Variants in TJP2 observed in about 807,000 individuals in gnomAD.
TJP2 encodes Friedreich ataxia region gene X104 (tight junction protein ZO-2).
TJP2 carries 91 observed loss-of-function variants against 133.1 expected under a neutral mutation model. The observed-to-expected ratio is 0.68, with a 90% CI of 0.58 to 0.81. The LOEUF (loss-of-function observed/expected upper bound fraction) is 0.81. Among genes scored for constraint, TJP2 ranks in the 40% least tolerant of loss-of-function variants. The pLI is 0.00. For missense variants in TJP2, 1,541 were observed against 1,565.6 expected (o/e 0.98, Z 0.26); for synonymous variants, 592 against 583.4 (o/e 1.01, Z -0.21).
In TJP2 at chr9:69,220,921, C is replaced by A. The variant is rs1204229288; in HGVS notation, c.377C>A (p.Ala126Glu). 1 of 1,612,414 alleles carries A rather than the reference C, an allele frequency of 6.2e-7. No homozygotes were observed. The highest frequency in any genetic ancestry group is 8.5e-7 in the Non-Finnish European group (1 of 1,179,980). Residue 126 changes from alanine to glutamate, a missense_variant, in exon 5 of 23, where the codon GCA becomes GAA. Ala to Glu is a moderately radical substitution (Grantham distance 107). Coordinates refer to ENST00000377245, the MANE Select transcript of TJP2 (RefSeq NM_004817.4). ...AGGCCCCGGAAGGTCCAGGTGGCCG[C>A]ACTTCAGGCCAGCCCTCCCCTGGAT... ...VKRPRKVQVA[A>E]LQASPPLDQD...
chr9:69,137,295 CTTTCTTTTCTTTTCTTTTCT>C (rs58232602), intron 1 of TJP2, among the ~76,000 whole-genome samples: 1,228 of 69,392 alleles, frequency 0.018, 24 homozygotes, highest in South Asian at 0.054. Flanking sequence ...TTCTTTCTTT[CTTTCTTTTCTTTTCTTTTCT>C]TTTCTTTTCT....
rs1421692723 is a variant in TJP2, at chr9:69,248,125, T to C, written c.2781T>C (p.Gly927=). Residue 927 remains glycine, a synonymous_variant, in exon 19 of 23, where the codon GGT becomes GGC. Transcript: ENST00000377245. The part of the protein sequence containing the change: ...RLISDFEDTD[G]EGGAYTDNEL... ...TCAGTGACTTTGAAGACACGGACGG[T>C]GAAGGAGGCGCCTACACTGACAATG... 1 of 1,613,910 alleles carries C rather than the reference T, an allele frequency of 6.2e-7. No homozygotes were observed. The highest frequency in any genetic ancestry group is 1.3e-5 in the African/African-American group (1 of 74,906).
chr9:69,249,061 A>G (rs2133475040), intron 19 of TJP2: 1 of 1,085,898 alleles, frequency 9.2e-7, no homozygotes, highest in Non-Finnish European at 1.1e-6. Context: ...TTTATGCTAG[A>G]CAACTTGTAA....
Position 69,160,682 on chromosome 9 carries a change from G to T in TJP2, c.-10+8911G>T, listed in dbSNP as rs761523525. On this transcript the variant is annotated intron_variant, in intron 2 of 5. Coordinates refer to the TJP2 transcript ENST00000423935. ...ATGCTGCTGATAAAGACATACCCAA[G>T]GCTGGGCAATTTACAAAAGAAAGAG... Among the ~76,000 whole-genome samples the T allele has an allele frequency of 1.5e-4, 23 of 152,200 alleles. 1 individual carries two copies. The highest frequency in any genetic ancestry group is 3.2e-4 in the Non-Finnish European group (22 of 68,030).
chr9:69,229,355 C>T, intron 10 of TJP2, 105 bp downstream of exon 10: 2 of 1,067,944 alleles, frequency 1.9e-6, no homozygotes, highest in Non-Finnish European at 2.9e-6. Flanking sequence ...TGATTTTGTA[C>T]ACTGTCAGCC....
chr9:69,235,643 G>A (rs112878119), intron 12 of TJP2, among the ~76,000 whole-genome samples: 35 of 152,236 alleles, frequency 2.3e-4, no homozygotes, highest in African/African-American at 8.2e-4. Flanking sequence ...TAATTGAGAA[G>A]GGGTCTGATT....
chr9:69,254,022 G>A (rs945937048), intron 22 of TJP2, 187 bp from the exon 23 acceptor site: 28 of 684,150 alleles, frequency 4.1e-5, no homozygotes, highest in Non-Finnish European at 6.2e-5. Context: ...GCCGAAGTGG[G>A]CATTGGATTT....
At chr9:69,152,201 C>T (rs1034804759) in intron 2 of TJP2, among the ~76,000 whole-genome samples, 4 of 152,164 alleles carry the variant, frequency 2.6e-5, no homozygotes, top group Non-Finnish European at 5.9e-5. Context: ...TAAAGGACAT[C>T]AGTCACACTG....
intron 13 of TJP2, 46 bp from the exon 14 acceptor site, chr9:69,236,903 T>C (rs1563946332): frequency 6.3e-7 from 1 of 1,597,552 alleles, no homozygotes. Flanking sequence ...GCATGTTAGC[T>C]GCGTTTTCTG....
At chr9:69,220,236 ATTAAT>A (rs760394398) in intron 4 of TJP2, among the ~76,000 whole-genome samples, 4 of 152,204 alleles carry the variant, frequency 2.6e-5, no homozygotes, top group Admixed American at 6.5e-5. Context: ...GGTATGTGTG[ATTAAT>A]TTAATACATT....
At chr9:69,246,611 T>A (rs754861891) in intron 17 of TJP2, 79 bp from the exon 18 acceptor site, 7 of 1,198,236 alleles carry the variant, frequency 5.8e-6, no homozygotes, top group South Asian at 2.5e-5. Flanking sequence ...CAGAAATGAG[T>A]GTAAATTATG....
At position 69,250,946 on chromosome 9, in the gene TJP2, A is replaced by G. The variant is rs1563962572; in HGVS notation, c.2992-89A>G. 3.0e-6 allele frequency: 4 copies of G among 1,316,398 alleles called. No individual in the cohort carries two copies. In the East Asian group the frequency reaches 6.9e-5, roughly 23 times the overall value. The allele number at this position is 1,316,398 out of a possible 1,614,324, so 81.5% of individuals were successfully genotyped here. The stretch of plus-strand genomic sequence containing the variant: ...ATTTGTGGACCACCTTTGGAAACTG[A>G]TCAGGAAATGGAGTGTATTAAATCA... On this transcript the variant is annotated intron_variant, in intron 20 of 22. Coordinates refer to ENST00000377245, the MANE Select transcript of TJP2 (RefSeq NM_004817.4).
chr9:69,254,437 GC>G lies in TJP2; in HGVS notation c.*65del. ...GCATCAGACTAGCCACTCCTGCCAG[GC>G]CGCCGGGATGGTTCTTCTCCAGTTA... On this transcript the variant is annotated 3_prime_UTR_variant, in exon 23 of 23. Transcript: ENST00000377245. 1 of 1,605,102 alleles carries G rather than the reference GC, an allele frequency of 6.2e-7. No homozygotes were observed. Among genetic ancestry groups the G allele is most frequent in the Non-Finnish European group, 8.5e-7 (1 of 1,174,506 alleles).
chr9:69,209,169 G>A (rs1371911565), intron 1 of TJP2, among the ~76,000 whole-genome samples: 1 of 152,080 alleles, frequency 6.6e-6, no homozygotes, highest in Non-Finnish European at 1.5e-5. Context: ...TTTTGAGACA[G>A]AGTCTCACTC....
chr9:69,206,978 T>C (rs1827477164), intron 1 of TJP2, among the ~76,000 whole-genome samples: 1 of 152,214 alleles, frequency 6.6e-6, no homozygotes, highest in African/African-American at 2.4e-5. Flanking sequence ...ATGAGCCCAT[T>C]ACACATATCT....
chr9:69,214,772 C>G (rs1828222652), intron 2 of TJP2, among the ~76,000 whole-genome samples: 1 of 150,328 alleles, frequency 6.7e-6, no homozygotes, highest in Non-Finnish European at 1.5e-5. Flanking sequence ...ACTCAGGAGG[C>G]TGAGGCAGGA....
intron 7 of TJP2, among the ~76,000 whole-genome samples, chr9:69,226,524 A>T (rs1829363812): frequency 6.6e-6 from 1 of 151,984 alleles, no homozygotes; most frequent in African/African-American, 2.4e-5. Context: ...TTTGAGACAG[A>T]GTTTCCCTCT....
At chr9:69,189,215 C>T (rs1212807291) in intron 1 of TJP2, among the ~76,000 whole-genome samples, 1 of 152,148 alleles carries the variant, frequency 6.6e-6, no homozygotes, top group Non-Finnish European at 1.5e-5. Context: ...ATGTTGGCCT[C>T]GGGACAGCCT....
At chr9:69,211,248 A>T (rs1827888771) in intron 1 of TJP2, among the ~76,000 whole-genome samples, 1 of 152,182 alleles carries the variant, frequency 6.6e-6, no homozygotes, top group South Asian at 2.1e-4. Flanking sequence ...GAGTCAGGAG[A>T]ATCGCTTGAA....
Sources: allele counts gnomAD v4.1 joint callset (sites outside exome capture counted in the v4.1 genomes callset), GRCh38; gene constraint gnomAD v4.1.1; transcripts MANE v1.5; gene names NCBI Gene and HGNC (gene_info 2026-07-23, HGNC 2026-07-21).